CDC5L: variants seen among roughly 807,000 people sequenced by gnomAD.
CDC5L encodes cell division cycle 5 like, also known as cell division cycle 5-like protein.
A neutral mutation model predicts 104.1 loss-of-function variants in CDC5L; 18 were observed. That is an observed-to-expected ratio of 0.17 (90% CI 0.12 to 0.26). The LOEUF (loss-of-function observed/expected upper bound fraction) is 0.26. CDC5L is among the 10% of genes least tolerant of loss of function. The pLI, the probability that CDC5L is intolerant of heterozygous loss-of-function variation, is 1.00. For synonymous variants in CDC5L, 331 were observed against 322.7 expected, an observed-to-expected ratio of 1.03 and a Z score of -0.28; for missense variants, 673 against 956.9, an observed-to-expected ratio of 0.70 and a Z score of 3.91.
intron 13 of CDC5L, 58 bp from the exon 14 acceptor site, chr6:44,429,655 T>C: frequency 6.8e-7 from 1 of 1,480,432 alleles, no homozygotes; most frequent in South Asian, 1.2e-5. Context: ...TCTAAAGCTC[T>C]CTGGATATGG....
In CDC5L at chr6:44,419,484, C is replaced by T. The variant is rs767910443; in HGVS notation, c.1128C>T (p.Asp376=). 1.2e-6 allele frequency: 2 copies of T among 1,613,712 alleles called. No individual in the cohort carries two copies. Among genetic ancestry groups the T allele is most frequent in the Non-Finnish European group, 1.7e-6 (2 of 1,179,708 alleles). The part of the protein sequence containing the change: ...AQNLMALTNV[D]TPLKGGLNTP... Reference sequence around the variant, plus strand: ...ACCTCATGGCCCTCACCAATGTGGACACCCCATTGAAAGGTGGACTTAATA... The same window carrying T: ...ACCTCATGGCCCTCACCAATGTGGATACCCCATTGAAAGGTGGACTTAATA... The change falls in exon 9 of 16, where the codon GAC becomes GAT. Residue 376 remains aspartate (D), a synonymous_variant. Coordinates refer to ENST00000371477, the MANE Select transcript of CDC5L (RefSeq NM_001253.4).
intron 8 of CDC5L, among the ~76,000 whole-genome samples, chr6:44,412,386 C>T (rs971697109): frequency 6.6e-6 from 1 of 151,280 alleles, no homozygotes; most frequent in Admixed American, 6.6e-5. Context: ...CCACTGTGCC[C>T]AGACAGTTTT....
chr6:44,403,424 TATAA>T (rs1465794199), intron 5 of CDC5L, among the ~76,000 whole-genome samples: 1 of 152,160 alleles, frequency 6.6e-6, no homozygotes, highest in Non-Finnish European at 1.5e-5. Flanking sequence ...TAATTTCATT[TATAA>T]ATTTTCATAG....
At chr6:44,420,010 G>A (rs562830639) in intron 9 of CDC5L, among the ~76,000 whole-genome samples, 7 of 152,260 alleles carry the variant, frequency 4.6e-5, no homozygotes, top group African/African-American at 1.7e-4. Flanking sequence ...TGATTTTAGA[G>A]TAGATTGATT....
At chr6:44,412,704 T>C (rs111901884) in intron 8 of CDC5L, among the ~76,000 whole-genome samples, 6 of 152,138 alleles carry the variant, frequency 3.9e-5, no homozygotes, top group African/African-American at 1.4e-4. Flanking sequence ...TGAGATACCA[T>C]TCTTACAGAA....
chr6:44,412,526 C>A (rs1478268853), intron 8 of CDC5L, among the ~76,000 whole-genome samples: 1 of 151,764 alleles, frequency 6.6e-6, no homozygotes, highest in Non-Finnish European at 1.5e-5. Context: ...CTGCACCTGA[C>A]CCCCCACTTT....
At chr6:44,431,577 G>A (rs1210915535) in intron 14 of CDC5L, among the ~76,000 whole-genome samples, 2 of 151,946 alleles carry the variant, frequency 1.3e-5, no homozygotes, top group African/African-American at 4.8e-5. Context: ...TCTTTTTGCC[G>A]CAAATGGCAA....
At position 44,415,632 on chromosome 6, in the gene CDC5L, G is replaced by A. The variant is rs565152497; in HGVS notation, c.1093-3817G>A. Among the ~76,000 whole-genome samples the A allele has an allele frequency of 7.2e-5, 11 of 152,212 alleles. No homozygotes were observed. In the South Asian group the frequency reaches 2.1e-3, roughly 29 times the overall value. On this transcript the variant is annotated intron_variant, in intron 8 of 15. Transcript: ENST00000371477. ...CGTCATGTTTGCATATAGCCTGCAA[G>A]AAGGAGGAAAAAGGGCACACCCTTT...
At chr6:44,426,271 C>T in intron 12 of CDC5L, 88 bp downstream of exon 12, 1 of 970,460 alleles carries the variant, frequency 1.0e-6, no homozygotes, top group South Asian at 1.6e-5. Flanking sequence ...GACTATAAAA[C>T]AAAATTTCAT....
rs1792735824 is a variant in CDC5L, at chr6:44,432,581, A to G, written c.2091+2671A>G. 3.3e-5 allele frequency among the ~76,000 whole-genome samples: 5 copies of G among 152,180 alleles called. No homozygotes were observed. The South Asian group carries it at 1.0e-3, about 31-fold the overall frequency. ...GTAGTCTTTGAGCCATTCATTACTC[A>G]TGATTAATATTTGAAACTTAGCACT... On this transcript the variant is annotated intron_variant, in intron 14 of 15. Transcript: ENST00000371477.
At chr6:44,392,514 G>A (rs1790668795) in intron 2 of CDC5L, among the ~76,000 whole-genome samples, 153 bp from the exon 3 acceptor site, 2 of 152,194 alleles carry the variant, frequency 1.3e-5, no homozygotes, top group South Asian at 4.1e-4. Flanking sequence ...AATATTGACT[G>A]GGGTAAGTGT....
intron 7 of CDC5L, among the ~76,000 whole-genome samples, chr6:44,407,082 G>T (rs998143081): frequency 2.0e-5 from 3 of 152,166 alleles, no homozygotes; most frequent in Non-Finnish European, 2.9e-5. Flanking sequence ...TGTCAACAGG[G>T]TAGGGCTTTA....
intron 13 of CDC5L, 47 bp from the exon 14 acceptor site, chr6:44,429,666 C>T (rs772569381): frequency 2.6e-6 from 4 of 1,515,836 alleles, no homozygotes; most frequent in African/African-American, 1.4e-5. Context: ...CTGGATATGG[C>T]AAGTGTTTGT....
intron 6 of CDC5L, among the ~76,000 whole-genome samples, chr6:44,406,057 A>G (rs1791350369): frequency 6.6e-6 from 1 of 151,978 alleles, no homozygotes; most frequent in South Asian, 2.1e-4. Context: ...ACGCACCACT[A>G]TGCCTGGCTA....
chr6:44,418,754 G>A (rs1480535401), intron 8 of CDC5L, among the ~76,000 whole-genome samples: 3 of 151,900 alleles, frequency 2.0e-5, no homozygotes, highest in Admixed American at 6.6e-5. Context: ...GTGATGATGA[G>A]CATTTTTTCA....
intron 14 of CDC5L, among the ~76,000 whole-genome samples, chr6:44,437,221 C>T (rs1792979260): frequency 6.6e-6 from 1 of 152,136 alleles, no homozygotes; most frequent in Admixed American, 6.5e-5. Context: ...TATGCATGTA[C>T]ATTTCATGCT....
rs2273666 is a variant in CDC5L, at chr6:44,445,726, T to A, written c.2163T>A (p.Leu721=). 0.098 allele frequency: 157,545 copies of A among 1,613,810 alleles called. 14,494 individuals are homozygous for A. The highest frequency in any genetic ancestry group is 0.51 in the East Asian group (22,856 of 44,854). Residue 721 remains leucine (L), a synonymous_variant, in exon 15 of 16, where the codon CTT becomes CTA. Coordinates refer to ENST00000371477, the MANE Select transcript of CDC5L (RefSeq NM_001253.4). ...TGGAAAAGAAGATGAAAATTTTGCTTGGGGGTTACCAGTCTCGTGCTATGG... is the reference window on the plus strand; with the variant it reads ...TGGAAAAGAAGATGAAAATTTTGCTAGGGGGTTACCAGTCTCGTGCTATGG... ...AKMEKKMKIL[L]GGYQSRAMGL... is the part of the protein sequence containing the mutation.
At position 44,392,731 on chromosome 6, in the gene CDC5L, T is replaced by C; in HGVS notation, c.214T>C (p.Leu72=). 3 of 1,614,152 alleles carry C rather than the reference T, an allele frequency of 1.9e-6. No individual in the cohort carries two copies. Among genetic ancestry groups the C allele is most frequent in the Non-Finnish European group, 2.5e-6 (3 of 1,179,998 alleles). Residue 72 remains leucine (L), a synonymous_variant, in exon 3 of 16, where the codon TTG becomes CTG. Coordinates refer to ENST00000371477, the MANE Select transcript of CDC5L (RefSeq NM_001253.4). ...EWSREEEEKL[L]HLAKLMPTQW... is the part of the protein sequence containing the mutation. ...GTCCAGAGAAGAAGAGGAAAAACTC[T>C]TGCACTTGGCCAAGTTGATGCCAAC... is the stretch of plus-strand genomic sequence containing the variant.
intron 7 of CDC5L, 27 bp downstream of exon 7, chr6:44,406,494 C>G (rs902883722): frequency 1.7e-5 from 27 of 1,587,586 alleles, no homozygotes; most frequent in Non-Finnish European, 2.3e-5. Context: ...AAATTTTTCA[C>G]TATGTGAATT....
Sources: gnomAD v4.1 joint callset for allele counts (sites outside exome capture counted in the v4.1 genomes callset) on GRCh38, gnomAD v4.1.1 for gene constraint, MANE v1.5 for transcripts, NCBI Gene and HGNC (gene_info 2026-07-23, HGNC 2026-07-21) for gene names.